The following TENM2 variants were observed in gnomAD, a reference collection of about 807,000 sequenced individuals.
TENM2 encodes teneurin transmembrane protein 2.
TENM2 carries 52 observed loss-of-function variants against 245.2 expected under a neutral mutation model. That is an observed-to-expected ratio of 0.21 (90% CI 0.17 to 0.27). The LOEUF (loss-of-function observed/expected upper bound fraction) is 0.27. TENM2 is among the 10% of genes least tolerant of loss of function. The pLI, the probability that TENM2 is intolerant of heterozygous loss-of-function variation, is 1.00. For missense variants in TENM2, 3,046 were observed against 3,666.8 expected (o/e 0.83, Z 4.37); for synonymous variants, 1,363 against 1,438.9 (o/e 0.95, Z 1.19).
At chr5:168,012,896 C>T (rs1785359760) in intron 5 of TENM2, among the ~76,000 whole-genome samples, 1 of 151,948 alleles carries the variant, frequency 6.6e-6, no homozygotes, top group South Asian at 2.1e-4. Flanking sequence ...TCAGTGATGC[C>T]ATCCAGGACA....
chr5:167,382,290 T>G (rs1761135512), intron 2 of TENM2, among the ~76,000 whole-genome samples: 1 of 152,036 alleles, frequency 6.6e-6, no homozygotes, highest in Admixed American at 6.6e-5. Flanking sequence ...GTTTATGGGG[T>G]CTGTAACAAT....
At chr5:167,425,070 G>T (rs1214590194) in intron 2 of TENM2, among the ~76,000 whole-genome samples, 1 of 152,106 alleles carries the variant, frequency 6.6e-6, no homozygotes, top group Admixed American at 6.5e-5. Flanking sequence ...AATATAGATG[G>T]CTTTATATGT....
rs191448027 is a variant in TENM2, at chr5:167,288,291, G to A, written c.226+3228G>A. ...ATAATGGCGAACAGGCGGGCGCGGT[G>A]GCTCACACCTGTAATCCCAGCACTT... On this transcript the variant is annotated intron_variant, in intron 1 of 28. Coordinates refer to ENST00000518659, the Ensembl canonical transcript of TENM2. Among the ~76,000 whole-genome samples, 430 of 152,204 alleles carry A rather than the reference G, an allele frequency of 2.8e-3. 1 individual carries two copies. Among genetic ancestry groups the A allele is most frequent in the Middle Eastern group, 0.01 (3 of 294 alleles).
intron 2 of TENM2, among the ~76,000 whole-genome samples, chr5:167,677,547 A>G (rs1756414996): frequency 1.3e-5 from 2 of 151,882 alleles, no homozygotes; most frequent in South Asian, 2.1e-4. Flanking sequence ...TATTCTGTGT[A>G]CTAACCTTAC....
chr5:167,034,922 G>C, the TENM2 span, among the ~76,000 whole-genome samples: 2 of 151,980 alleles, frequency 1.3e-5, no homozygotes, highest in Non-Finnish European at 2.9e-5. Context: ...GTATTTCTTG[G>C]TTTGTGGGCC....
chr5:167,312,359 C>T (rs542690999), intron 1 of TENM2, among the ~76,000 whole-genome samples: 76 of 152,174 alleles, frequency 5.0e-4, no homozygotes, highest in Non-Finnish European at 9.0e-4. Flanking sequence ...TTATAGCAAT[C>T]TGGTCTGGTC....
intron 7 of TENM2, among the ~76,000 whole-genome samples, chr5:168,071,253 T>C (rs1240505526): frequency 6.6e-6 from 1 of 152,394 alleles, no homozygotes; most frequent in East Asian, 1.9e-4. Context: ...CTTAGATTCA[T>C]GCTGGCACAT....
chr5:167,715,205 A>G (rs1759178943), intron 2 of TENM2, among the ~76,000 whole-genome samples: 1 of 150,926 alleles, frequency 6.6e-6, no homozygotes, highest in Non-Finnish European at 1.5e-5. Flanking sequence ...AAAGATCCCA[A>G]GAGGGAAGCT....
At chr5:167,888,616 G>GA (rs1239055119) in intron 3 of TENM2, among the ~76,000 whole-genome samples, 2 of 152,298 alleles carry the variant, frequency 1.3e-5, no homozygotes, top group South Asian at 2.1e-4. Flanking sequence ...AGCAAACAGA[G>GA]AAAACCAATG....
At chr5:167,245,530 G>A in the TENM2 span, among the ~76,000 whole-genome samples, 2 of 147,162 alleles carry the variant, frequency 1.4e-5, no homozygotes, top group African/African-American at 5.0e-5. Flanking sequence ...TTTAAGAAAT[G>A]TATCCTCAGG....
At chr5:168,056,884 T>C (rs1789586291) in intron 6 of TENM2, among the ~76,000 whole-genome samples, 1 of 152,138 alleles carries the variant, frequency 6.6e-6, no homozygotes, top group South Asian at 2.1e-4. Context: ...ATGCTGTACA[T>C]GTTTGTAACC....
chr5:168,199,447 G>C (rs1022932349), intron 16 of TENM2, among the ~76,000 whole-genome samples: 3 of 152,198 alleles, frequency 2.0e-5, no homozygotes, highest in African/African-American at 7.2e-5. Context: ...CTACATCGGT[G>C]TTACGACAGA....
intron 2 of TENM2, among the ~76,000 whole-genome samples, chr5:167,614,326 GTC>G: frequency 6.6e-6 from 1 of 152,110 alleles, no homozygotes; most frequent in South Asian, 2.1e-4. Context: ...GTCACCCTAA[GTC>G]TCATCCCTTT....
intron 8 of TENM2, among the ~76,000 whole-genome samples, chr5:168,095,213 A>T (rs1369637232): frequency 6.6e-6 from 1 of 152,010 alleles, no homozygotes; most frequent in Non-Finnish European, 1.5e-5. Context: ...CTTCCATGGA[A>T]CCAGTCCCTG....
chr5:167,510,069 G>A (rs1769832235), intron 2 of TENM2, among the ~76,000 whole-genome samples: 1 of 152,132 alleles, frequency 6.6e-6, no homozygotes, highest in African/African-American at 2.4e-5. Flanking sequence ...ATATAGATTT[G>A]CATCGGGAGC....
chr5:167,991,997 G>A (rs1783702502), intron 4 of TENM2, among the ~76,000 whole-genome samples: 1 of 152,168 alleles, frequency 6.6e-6, no homozygotes, highest in African/African-American at 2.4e-5. Flanking sequence ...GGAGGCCATT[G>A]TTCTAAGTGA....
chr5:167,371,837 GTGA>G (rs1480162518), intron 1 of TENM2, among the ~76,000 whole-genome samples: 6 of 152,120 alleles, frequency 3.9e-5, no homozygotes, highest in African/African-American at 1.4e-4. Context: ...TATTTGTTGA[GTGA>G]TTTAATAACT....
chr5:167,709,448 G>T (rs279404), intron 2 of TENM2, among the ~76,000 whole-genome samples: 72,873 of 152,052 alleles, frequency 0.48, 20,824 homozygotes, highest in East Asian at 0.77. Flanking sequence ...TGGGTATTCA[G>T]TGTAGAGTAC....
intron 5 of TENM2, among the ~76,000 whole-genome samples, chr5:167,996,052 G>T (rs1457895719): frequency 6.6e-6 from 1 of 152,156 alleles, no homozygotes; most frequent in African/African-American, 2.4e-5. Flanking sequence ...CAGGCAGTGG[G>T]TTCAGGCCTG....
Sources: gnomAD v4.1 joint callset for allele counts (sites outside exome capture counted in the v4.1 genomes callset) on GRCh38, gnomAD v4.1.1 for gene constraint, MANE v1.5 for transcripts, NCBI Gene and HGNC (gene_info 2026-07-23, HGNC 2026-07-21) for gene names.